ITGA6: variants seen among roughly 807,000 people sequenced by gnomAD.
ITGA6 encodes the protein integrin subunit alpha 6.
ITGA6 carries 63 observed loss-of-function variants against 133.6 expected under a neutral mutation model. That is an observed-to-expected ratio of 0.47 (90% CI 0.38 to 0.58). ITGA6 has a LOEUF of 0.58. ITGA6 is among the 20% of genes least tolerant of loss of function. ITGA6 has a pLI of 0.00. For synonymous variants in ITGA6, 434 were observed against 482.0 expected (o/e 0.90, Z 1.30); for missense variants, 1,068 against 1,309.4 (o/e 0.82, Z 2.85).
intron 15 of ITGA6, 45 bp downstream of exon 15, chr2:172,487,498 CTG>C: frequency 6.2e-7 from 1 of 1,610,124 alleles, no homozygotes; most frequent in Non-Finnish European, 8.5e-7. Flanking sequence ...AAAATCAACA[CTG>C]TGTGGCAAAT....
At position 172,504,476 on chromosome 2, in the gene ITGA6, C is replaced by T. The variant is rs114499545; in HGVS notation, c.*408C>T. 1.5e-3 allele frequency: 573 copies of T among 388,368 alleles called. 3 individuals carry two copies. Among genetic ancestry groups the T allele is most frequent in the African/African-American group, 0.011 (533 of 48,340 alleles). 24.1% of individuals were successfully genotyped at this position (388,368 alleles called of 1,614,324 possible). ...TTGGAATGGATTTTTCTTTAACTGC[C>T]GTAATTTAACTTTCTGGGTTGCCTT... On this transcript the variant is annotated 3_prime_UTR_variant, in exon 26 of 26. Transcript: ENST00000684293.
At chr2:172,447,387 T>G (rs1266368269) in intron 1 of ITGA6, among the ~76,000 whole-genome samples, 1 of 152,068 alleles carries the variant, frequency 6.6e-6, no homozygotes, top group African/African-American at 2.4e-5. Context: ...GTATTTTTAG[T>G]AGAGACGAGG....
chr2:172,476,365 A>C, intron 8 of ITGA6, 30 bp from the exon 9 acceptor site: 2 of 1,127,330 alleles, frequency 1.8e-6, no homozygotes, highest in Middle Eastern at 1.9e-4. Flanking sequence ...TGATAACCTA[A>C]TGTCCATTCG....
At chr2:172,485,941 C>G (rs1559147887) in intron 13 of ITGA6, among the ~76,000 whole-genome samples, 1 of 152,096 alleles carries the variant, frequency 6.6e-6, no homozygotes, top group African/African-American at 2.4e-5. Flanking sequence ...CTTCGGGAGG[C>G]CGAGGCGGGC....
intron 1 of ITGA6, among the ~76,000 whole-genome samples, chr2:172,457,632 A>G (rs1416031767): frequency 2.6e-5 from 4 of 152,216 alleles, no homozygotes; most frequent in Non-Finnish European, 4.4e-5. Flanking sequence ...TTAGCCAAAA[A>G]AAAGTTTGGA....
chr2:172,442,841 A>G (rs530519647), intron 1 of ITGA6, among the ~76,000 whole-genome samples: 59 of 151,920 alleles, frequency 3.9e-4, no homozygotes, highest in African/African-American at 1.4e-3. Context: ...GTTTTATGCA[A>G]TTACAAGGTT....
chr2:172,462,491 T>C (rs538629180), intron 1 of ITGA6, among the ~76,000 whole-genome samples: 1 of 152,322 alleles, frequency 6.6e-6, no homozygotes, highest in East Asian at 1.9e-4. Flanking sequence ...CATCCTGCCA[T>C]GTGGTCTGCT....
In ITGA6 at chr2:172,433,074, G is replaced by A. The variant is rs553118656; in HGVS notation, c.182+5104G>A. Among the ~76,000 whole-genome samples, 6 of 152,300 alleles carry A rather than the reference G, an allele frequency of 3.9e-5. 1 individual carries two copies. Among genetic ancestry groups the A allele is most frequent in the African/African-American group, 1.4e-4 (6 of 41,562 alleles). On this transcript the variant is annotated intron_variant, in intron 1 of 25. Transcript: ENST00000684293. The stretch of plus-strand genomic sequence containing the variant: ...ATCTGGGGATCTGTGTAGCACCCCC[G>A]CTGGCTCCTGGGAGGATGGTAAAGA...
upstream of ITGA6, chr2:172,427,554 CT>C (rs1326783461): frequency 1.2e-5 from 15 of 1,204,664 alleles, no homozygotes; most frequent in Non-Finnish European, 1.4e-5. Context: ...GTCCTCGTCA[CT>C]TGATAAAACG....
At chr2:172,435,803 GT>G (rs1366600335) in intron 1 of ITGA6, among the ~76,000 whole-genome samples, 1 of 151,390 alleles carries the variant, frequency 6.6e-6, no homozygotes, top group African/African-American at 2.4e-5. Flanking sequence ...ATTTTTTTGT[GT>G]TTTTAGTAGA....
intron 1 of ITGA6, among the ~76,000 whole-genome samples, chr2:172,439,163 G>A (rs1356833035): frequency 2.0e-5 from 3 of 151,884 alleles, no homozygotes; most frequent in Non-Finnish European, 4.4e-5. Context: ...GTGTGATACA[G>A]GGTGGAAGCC....
chr2:172,427,970 T>C lies in ITGA6; in HGVS notation c.182T>C (p.Leu61Pro). ...HWQLQPEDKR[L>P]LLVGAPRAEA... ...CAACTGCAGCCCGAGGACAAGCGGC[T>C]GTGAGTTCCCAGACCCTTCCCACCC... The change falls in exon 1 of 26, where the codon CTG (leucine) becomes CCG (proline). Residue 61 changes from leucine (L) to proline (P), a missense_variant and splice_region_variant. Physicochemically the swap from Leu to Pro is moderately conservative, Grantham distance 98 (BLOSUM62 -3). Around this residue, in one of 3 missense-constraint regions of ITGA6, gnomAD observed 142 missense variants for 145.3 expected, o/e 0.98. Coordinates refer to ENST00000684293, the MANE Select transcript of ITGA6 (RefSeq NM_000210.4). 1 of 1,603,500 alleles carries C rather than the reference T, an allele frequency of 6.2e-7. No homozygotes were observed. The highest frequency in any genetic ancestry group is 8.5e-7 in the Non-Finnish European group (1 of 1,175,802).
rs1193987806 is a variant in ITGA6 at position 172,505,237 on chromosome 2, GT to G, written c.*1170del. 1 of 152,324 alleles carries G rather than the reference GT, an allele frequency of 6.6e-6. No individual in the cohort carries two copies. The highest frequency in any genetic ancestry group is 2.4e-5 in the African/African-American group (1 of 41,440). 9.4% of individuals were successfully genotyped at this position (152,324 alleles called of 1,614,324 possible). On this transcript the variant is annotated 3_prime_UTR_variant, in exon 26 of 26. Coordinates refer to ENST00000684293, the MANE Select transcript of ITGA6 (RefSeq NM_000210.4). ...GCATAATGTTTCTGGATTTCATACT[GT>G]AACATTCAGGAATTCTTGGAGAAAA...
intron 2 of ITGA6, 78 bp from the exon 3 acceptor site, chr2:172,467,403 A>G (rs182073347): frequency 2.8e-6 from 3 of 1,076,802 alleles, no homozygotes. Context: ...ATTTGGAAAC[A>G]GTTGCTTGTA....
chr2:172,435,008 T>C (rs1046876808), intron 1 of ITGA6, among the ~76,000 whole-genome samples: 1 of 149,800 alleles, frequency 6.7e-6, no homozygotes, highest in Non-Finnish European at 1.5e-5. Context: ...GGAAGTTCAT[T>C]TGTACTGAGG....
chr2:172,483,421 T>A (rs1391659825), intron 11 of ITGA6, among the ~76,000 whole-genome samples: 1 of 152,178 alleles, frequency 6.6e-6, no homozygotes, highest in African/African-American at 2.4e-5. Flanking sequence ...TATTAGAATG[T>A]GAGTTATTCA....
chr2:172,474,135 A>G lies in ITGA6; in HGVS notation c.856A>G (p.Ser286Gly), dbSNP rs1359446841. ...ATCTGGTGCTCCCAGAGCCAATCAC[A>G]GTGGAGCCGTGGTTTTGCTGAAGAG... ...FVSGAPRANH[S>G]GAVVLLKRDM... Residue 286 changes from serine (S) to glycine (G), a missense_variant, in exon 6 of 26, where the codon AGT becomes GGT. Transcript: ENST00000684293. The G allele has an allele frequency of 1.2e-6, 2 of 1,613,878 alleles. No homozygotes were observed. Among genetic ancestry groups the G allele is most frequent in the African/African-American group, 2.7e-5 (2 of 74,918 alleles).
chr2:172,472,392 A>G (rs1685979683), intron 5 of ITGA6, among the ~76,000 whole-genome samples: 1 of 152,226 alleles, frequency 6.6e-6, no homozygotes, highest in Non-Finnish European at 1.5e-5. Flanking sequence ...CAAGAAACCA[A>G]TACTTTGGTC....
chr2:172,434,324 C>T (rs1305039643), intron 1 of ITGA6, among the ~76,000 whole-genome samples: 1 of 152,200 alleles, frequency 6.6e-6, no homozygotes, highest in African/African-American at 2.4e-5. Flanking sequence ...AGATGGGCCT[C>T]TCACCAGTGC....
Sources: gnomAD v4.1 joint callset for allele counts (sites outside exome capture counted in the v4.1 genomes callset) on GRCh38, gnomAD v4.1.1 for gene constraint, gnomAD v4.1.1 regional missense constraint, MANE v1.5 for transcripts, NCBI Gene and HGNC (gene_info 2026-07-23, HGNC 2026-07-21) for gene names.